Variants in UBR4 observed in about 807,000 individuals in gnomAD.
UBR4 encodes the protein ubiquitin protein ligase E3 component n-recognin 4.
Under a neutral mutation model 575.6 loss-of-function variants are expected in UBR4, and 124 were observed. The observed-to-expected ratio is 0.22, with a 90% CI of 0.19 to 0.25. UBR4 has a LOEUF of 0.25. Among genes scored for constraint, UBR4 ranks in the 10% least tolerant of loss-of-function variants. The pLI is 1.00. For missense variants in UBR4, 4,818 were observed against 6,478.8 expected, an observed-to-expected ratio of 0.74 and a Z score of 8.80; for synonymous variants, 2,455 against 2,473.7, an observed-to-expected ratio of 0.99 and a Z score of 0.22.
chr1:19,182,084 T>G (rs951781672), intron 17 of UBR4, among the ~76,000 whole-genome samples: 2 of 152,172 alleles, frequency 1.3e-5, no homozygotes, highest in African/African-American at 4.8e-5. Context: ...ACTGACTAAT[T>G]TAGTATCATG....
rs2080411749 is a variant in UBR4, at chr1:19,115,465, A to T, written c.10996T>A (p.Ser3666Thr). 2 of 1,614,114 alleles carry T rather than the reference A, an allele frequency of 1.2e-6. No homozygotes were observed. Among genetic ancestry groups the T allele is most frequent in the Non-Finnish European group, 1.7e-6 (2 of 1,180,020 alleles). The change falls in exon 74 of 106, where the codon TCG becomes ACG. Residue 3666 changes from serine to threonine, a missense_variant. This residue lies in a region of UBR4 where 10 missense variants were observed against 65.4 expected (regional missense o/e 0.15). Coordinates refer to ENST00000375254, the MANE Select transcript of UBR4 (RefSeq NM_020765.3). Reference sequence around the variant, plus strand: ...CAGACTCCTGGGTTGGCAGGGACCGAGGCACTACAGCGAGGGCACTGCAGG... The same window carrying T: ...CAGACTCCTGGGTTGGCAGGGACCGTGGCACTACAGCGAGGGCACTGCAGG... ...ETLQCPRCSA[S>T]VPANPGVCGN...
At chr1:19,198,178 G>A in intron 5 of UBR4, 129 bp from the exon 6 acceptor site, 1 of 907,902 alleles carries the variant, frequency 1.1e-6, no homozygotes, top group Admixed American at 2.5e-5. Context: ...CCTTACTCAT[G>A]TTGGAGAAAA....
intron 105 of UBR4, 73 bp downstream of exon 105, chr1:19,076,667 A>G (rs931588818): frequency 6.3e-7 from 1 of 1,599,328 alleles, no homozygotes; most frequent in Non-Finnish European, 8.6e-7. Flanking sequence ...AGATAAAGCT[A>G]CGGATGACCC....
At chr1:19,122,481 TTCA>T (rs2081282235) in intron 66 of UBR4, among the ~76,000 whole-genome samples, 1 of 152,346 alleles carries the variant, frequency 6.6e-6, no homozygotes, top group South Asian at 2.1e-4. Context: ...TACTCGAACC[TTCA>T]TCATTTCTTT....
intron 35 of UBR4, among the ~76,000 whole-genome samples, chr1:19,162,207 G>A (rs2087491191): frequency 6.6e-6 from 1 of 152,224 alleles, no homozygotes; most frequent in Non-Finnish European, 1.5e-5. Context: ...AGCAGGACAA[G>A]TGACTCTGGA....
At chr1:19,191,906 T>C (rs898982323) in intron 11 of UBR4, among the ~76,000 whole-genome samples, 10 of 152,210 alleles carry the variant, frequency 6.6e-5, no homozygotes, top group African/African-American at 2.2e-4. Context: ...GAAACATGTT[T>C]TTCTGATGTG....
chr1:19,097,127 A>G, intron 91 of UBR4, 66 bp downstream of exon 91: 4 of 1,384,940 alleles, frequency 2.9e-6, no homozygotes, highest in Non-Finnish European at 3.9e-6. Flanking sequence ...AATGCCCCTA[A>G]GTCCTGGGAC....
chr1:19,190,838 T>C (rs2092017406), intron 11 of UBR4, among the ~76,000 whole-genome samples: 1 of 152,136 alleles, frequency 6.6e-6, no homozygotes, highest in Non-Finnish European at 1.5e-5. Context: ...TCTCCCTCCT[T>C]CTTATCTTAT....
In UBR4 at chr1:19,110,471, G is replaced by A; in HGVS notation, c.11893-7C>T. The A allele has an allele frequency of 6.2e-7, 1 of 1,613,942 alleles. No homozygotes were observed. Among genetic ancestry groups the A allele is most frequent in the Non-Finnish European group, 8.5e-7 (1 of 1,179,946 alleles). ...CATACTGCAGGCTACTTGCCTAGAA[G>A]GCAATGGGAAGAGACATGAGTCAAG... is the stretch of plus-strand genomic sequence containing the variant. On this transcript the variant is annotated splice_polypyrimidine_tract_variant and splice_region_variant and intron_variant, in intron 79 of 105. Coordinates refer to ENST00000375254, the MANE Select transcript of UBR4 (RefSeq NM_020765.3). The surrounding 1 kb of genome is among the most constrained non-coding windows in gnomAD (Gnocchi z 4.5).
At position 19,173,719 on chromosome 1, in the gene UBR4, C is replaced by T; in HGVS notation, c.2983-98G>A. 3.4e-6 allele frequency: 4 copies of T among 1,169,656 alleles called. No homozygotes were observed. In the South Asian group the frequency reaches 5.8e-5, roughly 17 times the overall value. The allele number at this position is 1,169,656 out of a possible 1,614,324, so 72.5% of individuals were successfully genotyped here. On this transcript the variant is annotated intron_variant, in intron 22 of 105. Transcript: ENST00000375254. Reference sequence around the variant, plus strand: ...TCCAAATACAACTTTTAAACCAGAACTGTATAGAGTCCTGATTTTAAATTG... The same window carrying T: ...TCCAAATACAACTTTTAAACCAGAATTGTATAGAGTCCTGATTTTAAATTG...
chr1:19,196,029 G>A (rs1368245456), intron 8 of UBR4, among the ~76,000 whole-genome samples: 4 of 143,100 alleles, frequency 2.8e-5, no homozygotes, highest in African/African-American at 8.2e-5. Flanking sequence ...AACTTACGTA[G>A]TATGTTCCCC....
rs765393012 is a variant in UBR4 at position 19,172,857 on chromosome 1, G to A, written c.3521+7C>T. The A allele has an allele frequency of 5.6e-6, 9 of 1,613,452 alleles. No homozygotes were observed. The highest frequency in any genetic ancestry group is 5.5e-5 in the South Asian group (5 of 91,086). ...ATGTGCATCTCTGGGCAGGCAGTTC[G>A]CCACACCTGGTGAACGATGCATAGG... On this transcript the variant is annotated splice_region_variant and intron_variant, in intron 25 of 105. Transcript: ENST00000375254.
In UBR4 at chr1:19,074,575, C is replaced by T. The variant is rs1007643179; in HGVS notation, c.*257G>A. The stretch of plus-strand genomic sequence containing the variant: ...GTGCACACTCAAGTATGAAGCTGGC[C>T]GGGACAACTCATGGCTCCTAGGTAT... On this transcript the variant is annotated 3_prime_UTR_variant, in exon 106 of 106. Coordinates refer to ENST00000375254, the MANE Select transcript of UBR4 (RefSeq NM_020765.3). The T allele has an allele frequency of 9.4e-6, 5 of 532,296 alleles. No homozygotes were observed. Among genetic ancestry groups the T allele is most frequent in the South Asian group, 2.3e-5 (1 of 43,990 alleles). 33.0% of individuals were successfully genotyped at this position (532,296 alleles called of 1,614,324 possible).
Position 19,150,719 on chromosome 1 carries a change from A to G in UBR4, c.7288T>C (p.Phe2430Leu). 6.2e-7 allele frequency: 1 copy of G among 1,614,038 alleles called. No individual in the cohort carries two copies. Among genetic ancestry groups the G allele is most frequent in the South Asian group, 1.1e-5 (1 of 91,068 alleles). ...VKIYGKTKEQ[F>L]GWPDEPPEEF... Reference sequence around the variant, plus strand: ...TCTGGGGGCTCATCAGGCCAGCCAAACTGCTCCTTAGTCTTGCCATAAATT... The same window carrying G: ...TCTGGGGGCTCATCAGGCCAGCCAAGCTGCTCCTTAGTCTTGCCATAAATT... Residue 2430 changes from phenylalanine (F) to leucine (L), a missense_variant, in exon 49 of 106, where the codon TTT becomes CTT. By Grantham distance (22) the Phe-to-Leu change is conservative (BLOSUM62 0). Around this residue, in one of 29 missense-constraint regions of UBR4, gnomAD observed 340 missense variants for 375.4 expected, o/e 0.91. Coordinates refer to ENST00000375254, the MANE Select transcript of UBR4 (RefSeq NM_020765.3).
chr1:19,075,819 G>A (rs2075875398), intron 105 of UBR4, among the ~76,000 whole-genome samples: 1 of 152,232 alleles, frequency 6.6e-6, no homozygotes, highest in Non-Finnish European at 1.5e-5. Context: ...TGTTAGCAGA[G>A]GCGTTCTCCT....
intron 17 of UBR4, among the ~76,000 whole-genome samples, chr1:19,181,308 T>G (rs1308876631): frequency 1.3e-5 from 2 of 152,024 alleles, no homozygotes; most frequent in African/African-American, 4.8e-5. Context: ...GCAAGAGTAC[T>G]GCTTGAGCCC....
chr1:19,103,728 T>G (rs2078898520), intron 87 of UBR4, among the ~76,000 whole-genome samples: 2 of 152,046 alleles, frequency 1.3e-5, no homozygotes, highest in South Asian at 4.2e-4. Context: ...TGGAGAGATA[T>G]GGATGACAGA....
intron 23 of UBR4, 51 bp downstream of exon 23, chr1:19,173,388 A>G: frequency 1.9e-6 from 3 of 1,612,042 alleles, no homozygotes; most frequent in Non-Finnish European, 2.5e-6. Flanking sequence ...AGCTCCAGTA[A>G]GCACAAAGCA....
chr1:19,150,826 C>T (rs2085575563), intron 48 of UBR4, 33 bp from the exon 49 acceptor site: 2 of 1,607,996 alleles, frequency 1.2e-6, no homozygotes, highest in Middle Eastern at 3.4e-4. Flanking sequence ...TTAGGAAGCA[C>T]ATTCTCTAAA....
Sources: gnomAD v4.1 joint callset for allele counts (sites outside exome capture counted in the v4.1 genomes callset) on GRCh38, gnomAD v4.1.1 for gene constraint, gnomAD v4.1.1 regional missense constraint, Gnocchi (gnomAD v3.1) non-coding constraint, MANE v1.5 for transcripts, NCBI Gene and HGNC (gene_info 2026-07-23, HGNC 2026-07-21) for gene names.